Variants in CPAP observed in about 807,000 individuals in gnomAD.
The protein encoded by CPAP is centrosome assembly and centriole elongation protein.
At chr13:24,912,928 C>T in the CPAP span, 35 of 1,614,146 alleles carry the variant, frequency 2.2e-5, no homozygotes, top group South Asian at 1.1e-4. Context: ...AGGAAATCCA[C>T]GATTTAATAT....
the CPAP span, chr13:24,912,549 C>T: frequency 1.3e-6 from 2 of 1,543,826 alleles, no homozygotes; most frequent in Admixed American, 3.4e-5. Flanking sequence ...CCTGCAATGA[C>T]ATAAATTCAC....
the CPAP span, chr13:24,906,250 A>C: frequency 6.2e-7 from 1 of 1,603,874 alleles, no homozygotes; most frequent in Admixed American, 1.7e-5. Flanking sequence ...TTTTCAGTAC[A>C]AATGAGGAAT....
the CPAP span, chr13:24,906,745 C>T: frequency 4.3e-6 from 7 of 1,614,144 alleles, no homozygotes; most frequent in South Asian, 6.6e-5. Flanking sequence ...TGTCTGCACA[C>T]AGCTCTTTAT....
the CPAP span, among the ~76,000 whole-genome samples, chr13:24,921,079 CAAG>C: frequency 6.6e-6 from 1 of 152,254 alleles, no homozygotes; most frequent in East Asian, 1.9e-4. Context: ...ACTAAACAAT[CAAG>C]AAGTCAAGAG....
the CPAP span, among the ~76,000 whole-genome samples, chr13:24,889,848 C>T: frequency 2.0e-5 from 3 of 152,078 alleles, no homozygotes; most frequent in Admixed American, 2.0e-4. Flanking sequence ...CTGCACCCCA[C>T]CTCCATTTCT....
the CPAP span, chr13:24,907,894 C>T: frequency 6.8e-6 from 5 of 732,756 alleles, no homozygotes; most frequent in African/African-American, 7.0e-5. Context: ...TATCTTTAAC[C>T]TTAAAAGCAT....
At chr13:24,892,159 C>T in the CPAP span, among the ~76,000 whole-genome samples, 3 of 152,312 alleles carry the variant, frequency 2.0e-5, no homozygotes, top group South Asian at 6.2e-4. Flanking sequence ...GTGCCTGGCA[C>T]ACCCTGGTTG....
chr13:24,908,480 G>A, the CPAP span, among the ~76,000 whole-genome samples: 3 of 149,924 alleles, frequency 2.0e-5, no homozygotes, highest in African/African-American at 7.4e-5. Context: ...CAGGCGTGGT[G>A]GCACATGCCT....
At chr13:24,907,309 C>T in the CPAP span, 20 of 795,222 alleles carry the variant, frequency 2.5e-5, no homozygotes, top group South Asian at 2.8e-4. Context: ...TTCCCAAAAT[C>T]AGTGCCTCCC....
chr13:24,911,725 A>G, the CPAP span, among the ~76,000 whole-genome samples: 1 of 150,952 alleles, frequency 6.6e-6, no homozygotes, highest in African/African-American at 2.4e-5. Context: ...TTTTTAATGA[A>G]TAAACATCAA....
At chr13:24,929,986 C>T in the CPAP span, among the ~76,000 whole-genome samples, 1 of 148,522 alleles carries the variant, frequency 6.7e-6, no homozygotes, top group South Asian at 2.1e-4. Context: ...TCATAGCTCA[C>T]TACAGCTGTG....
the CPAP span, chr13:24,885,534 TAA>T: frequency 1.8e-5 from 23 of 1,280,472 alleles, no homozygotes; most frequent in Non-Finnish European, 2.5e-5. Context: ...TTAGAAACGT[TAA>T]GTCTATTAAC....
At chr13:24,891,076 C>T in the CPAP span, among the ~76,000 whole-genome samples, 3 of 152,062 alleles carry the variant, frequency 2.0e-5, no homozygotes, top group South Asian at 2.1e-4. Context: ...TCCTCTTCAA[C>T]ACTCCAGAGA....
At chr13:24,883,503 T>C in the CPAP span, 17 of 609,542 alleles carry the variant, frequency 2.8e-5, no homozygotes, top group Middle Eastern at 4.4e-4. Context: ...CCCTATACAA[T>C]TGTAACTTTC....
chr13:24,931,903 A>G, the CPAP span, among the ~76,000 whole-genome samples: 1 of 152,096 alleles, frequency 6.6e-6, no homozygotes, highest in African/African-American at 2.4e-5. Flanking sequence ...ATTTATCCTC[A>G]TTGGCTAAAT....
At chr13:24,883,167 A>T in the CPAP span, 1 of 1,611,600 alleles carries the variant, frequency 6.2e-7, no homozygotes. Context: ...TCATGATCAC[A>T]TGAGGATCGT....
the CPAP span, chr13:24,884,204 G>A: frequency 1.2e-6 from 2 of 1,614,144 alleles, no homozygotes; most frequent in South Asian, 1.1e-5. Context: ...GTCCCTCCGG[G>A]TATGTCGTGT....
chr13:24,900,896 G>C, the CPAP span, among the ~76,000 whole-genome samples: 1 of 152,216 alleles, frequency 6.6e-6, no homozygotes, highest in African/African-American at 2.4e-5. Context: ...GCAAATGGAA[G>C]AGCAGACTCA....
the CPAP span, among the ~76,000 whole-genome samples, chr13:24,899,961 C>CAAAAAAAAA: frequency 6.9e-6 from 1 of 144,558 alleles, no homozygotes. Context: ...GACTCTGTCT[C>CAAAAAAAAA]AAAAAAAAAA....
Sources: gnomAD v4.1 joint callset for allele counts (sites outside exome capture counted in the v4.1 genomes callset) on GRCh38, gnomAD v4.1.1 for gene constraint, MANE v1.5 for transcripts, NCBI Gene and HGNC (gene_info 2026-07-23, HGNC 2026-07-21) for gene names.